EDA: variants seen among roughly 807,000 people sequenced by gnomAD.
EDA encodes the protein ectodysplasin A.
In EDA, 2 loss-of-function variants were observed where a neutral mutation model predicts 23.6. The ratio of observed to expected loss-of-function variants is 0.08; its 90% CI spans 0.03 to 0.27. EDA has a LOEUF of 0.27. Among genes scored for constraint, EDA ranks in the 10% least tolerant of loss-of-function variants. The pLI is 1.00. For missense variants in EDA, 229 were observed against 324.2 expected (o/e 0.71, Z 2.26); for synonymous variants, 131 against 132.0 (o/e 0.99, Z 0.05).
chrX:70,016,078 A>G (rs1569401763), intron 2 of EDA, among the ~76,000 whole-genome samples: 1 of 111,632 alleles, frequency 9.0e-6, no homozygotes. Flanking sequence ...AGGGATTGCT[A>G]TTTTAACTTC....
chrX:69,652,029 A>G (rs1031114193), intron 1 of EDA, among the ~76,000 whole-genome samples: 12 of 111,103 alleles, frequency 1.1e-4, no homozygotes, highest in Admixed American at 5.8e-4. Flanking sequence ...AAAGTTTTGA[A>G]GAGAGAAAAT....
At chrX:69,852,475 C>A (rs1307183343) in intron 1 of EDA, among the ~76,000 whole-genome samples, 1 of 111,828 alleles carries the variant, frequency 8.9e-6, no homozygotes, top group Non-Finnish European at 1.9e-5. Context: ...AATAATCAGA[C>A]ATCACAAATA....
intron 1 of EDA, among the ~76,000 whole-genome samples, chrX:69,824,423 A>G (rs1271554277): frequency 2.7e-5 from 3 of 109,643 alleles, no homozygotes; most frequent in African/African-American, 6.6e-5. Flanking sequence ...CATCCCTTGT[A>G]AGTTGGATTC....
At chrX:69,911,699 T>A (rs1213106370) in intron 1 of EDA, among the ~76,000 whole-genome samples, 1 of 112,180 alleles carries the variant, frequency 8.9e-6, no homozygotes, top group Non-Finnish European at 1.9e-5. Flanking sequence ...GATACTATAG[T>A]CTGTTAAGTG....
intron 1 of EDA, among the ~76,000 whole-genome samples, chrX:69,700,532 T>C (rs1266149309): frequency 9.0e-6 from 1 of 111,304 alleles, no homozygotes; most frequent in Non-Finnish European, 1.9e-5. Context: ...TCCATCTGGC[T>C]TTTTGACAGG....
chrX:69,824,494 CTGTT>C (rs986653177), intron 1 of EDA, among the ~76,000 whole-genome samples: 5 of 110,644 alleles, frequency 4.5e-5, no homozygotes, highest in African/African-American at 1.7e-4. Flanking sequence ...ATTTGGCTCT[CTGTT>C]TGTCTGCTGT....
intron 2 of EDA, among the ~76,000 whole-genome samples, chrX:69,988,190 T>G (rs1344193908): frequency 9.0e-6 from 1 of 111,444 alleles, no homozygotes; most frequent in Non-Finnish European, 1.9e-5. Context: ...TTGTGGGAGC[T>G]AAAAATCAAG....
chrX:69,821,037 C>G (rs2016206624), intron 1 of EDA, among the ~76,000 whole-genome samples: 1 of 111,200 alleles, frequency 9.0e-6, no homozygotes, highest in Non-Finnish European at 1.9e-5. Context: ...ATATATACAC[C>G]ATGGAATACT....
chrX:69,802,213 G>A (rs764862674), intron 1 of EDA, among the ~76,000 whole-genome samples: 1 of 109,632 alleles, frequency 9.1e-6, no homozygotes, highest in African/African-American at 3.3e-5. Flanking sequence ...AATAAATATA[G>A]ATGAATATCA....
Position 69,915,591 on chromosome X carries a change from GA to G in EDA, c.397-41424del, listed in dbSNP as rs11435265. On this transcript the variant is annotated intron_variant, in intron 1 of 7. Coordinates refer to ENST00000374552, the MANE Select transcript of EDA (RefSeq NM_001399.5). Reference sequence around the variant, plus strand: ...GCAATCCAGCCTGGGCAACAAGAGCGAAAAAAAAAAAAGCATCATGACAGGT... The same window carrying G: ...GCAATCCAGCCTGGGCAACAAGAGCGAAAAAAAAAAAGCATCATGACAGGT... Among the ~76,000 whole-genome samples the G allele has an allele frequency of 3.5e-4, 34 of 96,728 alleles. No homozygotes were observed. In the East Asian group the frequency reaches 4.2e-3, roughly 12 times the overall value. 84.0% of individuals were successfully genotyped at this position (96,728 alleles called of 115,157 possible).
rs1028626198 is a variant in EDA at position 69,718,026 on chromosome X, T to G, written c.396+101322T>G. Among the ~76,000 whole-genome samples, 5 of 111,965 alleles carry G rather than the reference T, an allele frequency of 4.5e-5. No homozygotes were observed. The East Asian group carries it at 1.4e-3, about 31-fold the overall frequency. Reference sequence around the variant, plus strand: ...AAAATGTGCCTGCTTCCCCTTCACCTTCTGCCGTGATTGGCCTCCCCAGAA... The same window carrying G: ...AAAATGTGCCTGCTTCCCCTTCACCGTCTGCCGTGATTGGCCTCCCCAGAA... On this transcript the variant is annotated intron_variant, in intron 1 of 7. Coordinates refer to ENST00000374552, the MANE Select transcript of EDA (RefSeq NM_001399.5).
intron 1 of EDA, among the ~76,000 whole-genome samples, chrX:69,866,704 C>T (rs1422871782): frequency 9.0e-6 from 1 of 111,708 alleles, no homozygotes; most frequent in Non-Finnish European, 1.9e-5. Flanking sequence ...GTGTTGTCAC[C>T]TAATTGGCAT....
chrX:69,962,434 A>T (rs1364209009), intron 2 of EDA, among the ~76,000 whole-genome samples: 1 of 111,769 alleles, frequency 8.9e-6, no homozygotes, highest in East Asian at 2.8e-4. Context: ...ACCTCATTTT[A>T]TTTTATTTTA....
chrX:69,938,704 T>G (rs938947227), intron 1 of EDA, among the ~76,000 whole-genome samples: 11 of 112,156 alleles, frequency 9.8e-5, no homozygotes, highest in Non-Finnish European at 1.7e-4. Flanking sequence ...TTCCCTCAAT[T>G]TTTTTCTATT....
At chrX:69,714,871 G>T (rs1022785156) in intron 1 of EDA, among the ~76,000 whole-genome samples, 4 of 109,586 alleles carry the variant, frequency 3.7e-5, no homozygotes, top group Non-Finnish European at 7.6e-5. Context: ...ACCTATTCTG[G>T]GGCCTGTGCC....
At chrX:69,997,723 TG>T (rs766913873) in intron 2 of EDA, among the ~76,000 whole-genome samples, 4 of 112,384 alleles carry the variant, frequency 3.6e-5, no homozygotes, top group African/African-American at 1.3e-4. Flanking sequence ...AGGGTCCCTG[TG>T]CTGTGTGCAG....
intron 1 of EDA, among the ~76,000 whole-genome samples, chrX:69,713,547 T>C (rs745362714): frequency 1.8e-5 from 2 of 111,751 alleles, no homozygotes; most frequent in Non-Finnish European, 3.8e-5. Flanking sequence ...GTCTAACCCC[T>C]GGCAACCACT....
At chrX:69,867,545 A>G (rs1249588484) in intron 1 of EDA, among the ~76,000 whole-genome samples, 1 of 112,336 alleles carries the variant, frequency 8.9e-6, no homozygotes, top group African/African-American at 3.2e-5. Context: ...TCCTTCATGC[A>G]AAGTGCACAA....
chrX:69,620,368 A>G (rs1008429149), intron 1 of EDA: 1 of 112,347 alleles, frequency 8.9e-6, no homozygotes, highest in Admixed American at 9.5e-5. Context: ...AAGTGATGTC[A>G]TAGATGTCAA....
Sources: gnomAD v4.1 joint callset for allele counts (sites outside exome capture counted in the v4.1 genomes callset) on GRCh38, gnomAD v4.1.1 for gene constraint, MANE v1.5 for transcripts, NCBI Gene and HGNC (gene_info 2026-07-23, HGNC 2026-07-21) for gene names.